CFAP299: variants seen among roughly 807,000 people sequenced by gnomAD.
CFAP299 encodes the protein cilia and flagella associated protein 299.
A neutral mutation model predicts 27.0 loss-of-function variants in CFAP299; 21 were observed. The observed-to-expected ratio is 0.78, with a 90% CI of 0.55 to 1.12. The LOEUF (loss-of-function observed/expected upper bound fraction) is 1.12, where lower values mean the gene tolerates loss of function less well. CFAP299 is among the 50% of genes most tolerant of loss of function. The pLI, the probability that CFAP299 is intolerant of heterozygous loss-of-function variation, is 0.00. For synonymous variants in CFAP299, 104 were observed against 98.1 expected (o/e 1.06, Z -0.36); for missense variants, 310 against 276.6 (o/e 1.12, Z -0.86).
intron 3 of CFAP299, among the ~76,000 whole-genome samples, chr4:80,655,158 T>C (rs1740492973): frequency 6.6e-6 from 1 of 152,128 alleles, no homozygotes; most frequent in Admixed American, 6.6e-5. Context: ...TGACAGACAG[T>C]CAAAACTTTC....
At chr4:80,545,053 A>G (rs778510514) in intron 2 of CFAP299, among the ~76,000 whole-genome samples, 1 of 152,226 alleles carries the variant, frequency 6.6e-6, no homozygotes, top group Non-Finnish European at 1.5e-5. Context: ...ATCAATACCA[A>G]GAAGATCTAC....
chr4:80,951,220 T>A (rs1448226311), intron 5 of CFAP299, among the ~76,000 whole-genome samples: 1 of 152,134 alleles, frequency 6.6e-6, no homozygotes, highest in Non-Finnish European at 1.5e-5. Flanking sequence ...CTAAAAGACA[T>A]GTGAAAAGAT....
intron 2 of CFAP299, among the ~76,000 whole-genome samples, chr4:80,416,041 A>T (rs892704198): frequency 7.2e-5 from 11 of 152,222 alleles, no homozygotes; most frequent in African/African-American, 7.2e-5. Flanking sequence ...AAACAGTAAG[A>T]AAGCAAATAG....
intron 2 of CFAP299, among the ~76,000 whole-genome samples, chr4:80,571,251 A>T (rs931002489): frequency 6.6e-6 from 1 of 152,106 alleles, no homozygotes; most frequent in Non-Finnish European, 1.5e-5. Flanking sequence ...TATTATTTTA[A>T]TATAAATTCA....
At chr4:80,353,483 G>A (rs984520116) in intron 1 of CFAP299, among the ~76,000 whole-genome samples, 16 of 152,156 alleles carry the variant, frequency 1.1e-4, no homozygotes, top group African/African-American at 3.9e-4. Flanking sequence ...ATGTCATATT[G>A]TTTTAACATT....
At chr4:80,613,245 A>G (rs999167930) in intron 3 of CFAP299, among the ~76,000 whole-genome samples, 7 of 152,134 alleles carry the variant, frequency 4.6e-5, no homozygotes, top group African/African-American at 4.8e-5. Context: ...TGCAGGAAGT[A>G]GAAAATTCAT....
At chr4:80,558,696 ACTT>A (rs1734901914) in intron 2 of CFAP299, among the ~76,000 whole-genome samples, 1 of 151,918 alleles carries the variant, frequency 6.6e-6, no homozygotes, top group Non-Finnish European at 1.5e-5. Context: ...AAAAAGGAAA[ACTT>A]CTAAATTCAT....
intron 3 of CFAP299, among the ~76,000 whole-genome samples, chr4:80,732,062 G>GACACACACACACAC (rs1354639341): frequency 3.7e-4 from 51 of 139,456 alleles, no homozygotes; most frequent in African/African-American, 1.3e-3. Flanking sequence ...CAGACACACA[G>GACACACACACACAC]ACACACAGAC....
intron 3 of CFAP299, among the ~76,000 whole-genome samples, chr4:80,850,229 G>T (rs1006189196): frequency 2.1e-5 from 2 of 96,060 alleles, no homozygotes; most frequent in Non-Finnish European, 3.7e-5. Flanking sequence ...TTATGGCGGT[G>T]GGGGGGGTGA....
chr4:80,566,463 TC>T (rs34477580), intron 2 of CFAP299, among the ~76,000 whole-genome samples: 95,163 of 151,854 alleles, frequency 0.63, 33,208 homozygotes, highest in Non-Finnish European at 0.77. Context: ...CTGACTGTTT[TC>T]CTCTGGTAAA....
chr4:80,932,153 C>G (rs1052659913), intron 4 of CFAP299, among the ~76,000 whole-genome samples: 4 of 152,110 alleles, frequency 2.6e-5, no homozygotes, highest in Non-Finnish European at 5.9e-5. Flanking sequence ...TCAATTTTCT[C>G]TCCTGTAAAA....
chr4:80,388,154 G>A (rs992341792), intron 2 of CFAP299: 3 of 668,316 alleles, frequency 4.5e-6, no homozygotes, highest in African/African-American at 1.8e-5. Flanking sequence ...GTGGGGTGGA[G>A]GTGGTGAGGG....
At chr4:80,880,759 AAATT>A (rs1560460527) in intron 4 of CFAP299, among the ~76,000 whole-genome samples, 8 of 151,742 alleles carry the variant, frequency 5.3e-5, no homozygotes, top group African/African-American at 1.5e-4. Context: ...AAATAAAATT[AAATT>A]AAATTAAAAT....
At chr4:80,617,104 AAAAAAG>A (rs1392772282) in intron 3 of CFAP299, among the ~76,000 whole-genome samples, 2 of 152,204 alleles carry the variant, frequency 1.3e-5, no homozygotes, top group African/African-American at 2.4e-5. Flanking sequence ...TTATAGTGTG[AAAAAAG>A]AAAAAGAAAA....
At chr4:80,580,316 G>T (rs180735554) in intron 2 of CFAP299, among the ~76,000 whole-genome samples, 4 of 152,106 alleles carry the variant, frequency 2.6e-5, no homozygotes, top group Admixed American at 2.6e-4. Flanking sequence ...AAGTAATTGG[G>T]TACCTTGATT....
At chr4:80,594,205 GC>G (rs1736933774) in intron 3 of CFAP299, among the ~76,000 whole-genome samples, 1 of 152,146 alleles carries the variant, frequency 6.6e-6, no homozygotes, top group Non-Finnish European at 1.5e-5. Context: ...GCTCAGGTAG[GC>G]CCCAGGAAAC....
intron 3 of CFAP299, among the ~76,000 whole-genome samples, chr4:80,787,755 T>G (rs1727327512): frequency 6.6e-6 from 1 of 152,004 alleles, no homozygotes; most frequent in Non-Finnish European, 1.5e-5. Flanking sequence ...TAATTCTAAT[T>G]TATCTATTGC....
At chr4:80,580,165 T>C (rs1190739167) in intron 2 of CFAP299, among the ~76,000 whole-genome samples, 2 of 152,048 alleles carry the variant, frequency 1.3e-5, no homozygotes, top group African/African-American at 2.4e-5. Context: ...AAGACTGTAG[T>C]AGGAAGTAAG....
chr4:80,883,279 A>G (rs1017545379), intron 4 of CFAP299, among the ~76,000 whole-genome samples: 1 of 152,136 alleles, frequency 6.6e-6, no homozygotes, highest in Non-Finnish European at 1.5e-5. Flanking sequence ...CACAAATTAA[A>G]CCTGTGCAAG....
Sources: gnomAD v4.1 joint callset for allele counts (sites outside exome capture counted in the v4.1 genomes callset) on GRCh38, gnomAD v4.1.1 for gene constraint, MANE v1.5 for transcripts, NCBI Gene and HGNC (gene_info 2026-07-23, HGNC 2026-07-21) for gene names.